The following IL1RAPL2 variants were observed in gnomAD, a reference collection of about 807,000 sequenced individuals.
The protein encoded by IL1RAPL2 is X-linked interleukin-1 receptor accessory protein-like 2.
IL1RAPL2 carries 3 observed loss-of-function variants against 44.1 expected under a neutral mutation model. The ratio of observed to expected loss-of-function variants is 0.07; its 90% confidence interval spans 0.03 to 0.18. The LOEUF is 0.18. IL1RAPL2 is among the 10% of genes least tolerant of loss of function. The pLI is 1.00. For missense variants in IL1RAPL2, 391 were observed against 496.4 expected, an observed-to-expected ratio of 0.79 and a Z score of 2.02; for synonymous variants, 181 against 178.8, an observed-to-expected ratio of 1.01 and a Z score of -0.10.
intron 2 of IL1RAPL2, among the ~76,000 whole-genome samples, chrX:104,703,999 C>T (rs1931322954): frequency 9.4e-6 from 1 of 106,552 alleles, no homozygotes; most frequent in African/African-American, 3.4e-5. Context: ...TCCAAATTAT[C>T]CCAGAAATCT....
intron 7 of IL1RAPL2, among the ~76,000 whole-genome samples, chrX:105,725,174 G>C (rs2038340272): frequency 9.0e-6 from 1 of 111,617 alleles, no homozygotes; most frequent in Non-Finnish European, 1.9e-5. Flanking sequence ...TGTCCCAACA[G>C]AGAGTCATTT....
intron 6 of IL1RAPL2, among the ~76,000 whole-genome samples, chrX:105,662,394 G>T (rs1241468158): frequency 8.9e-6 from 1 of 111,895 alleles, no homozygotes; most frequent in Non-Finnish European, 1.9e-5. Context: ...TATATGGCTT[G>T]TGTTTTGTGT....
intron 2 of IL1RAPL2, among the ~76,000 whole-genome samples, chrX:105,180,768 T>C (rs994918000): frequency 9.0e-5 from 10 of 111,622 alleles, no homozygotes; most frequent in Admixed American, 1.9e-4. Flanking sequence ...TTTTTATGTC[T>C]ATGTTCATCA....
intron 2 of IL1RAPL2, among the ~76,000 whole-genome samples, chrX:104,922,144 G>A (rs1210967524): frequency 3.6e-5 from 4 of 112,089 alleles, no homozygotes; most frequent in Non-Finnish European, 7.5e-5. Flanking sequence ...GTGGTAGAGT[G>A]TGGAGCAGGA....
At position 105,032,937 on chromosome X, in the gene IL1RAPL2, T is replaced by G. The variant is rs186086310; in HGVS notation, c.83-162538T>G. On this transcript the variant is annotated intron_variant, in intron 2 of 10. Transcript: ENST00000372582. ...GTATTGGGTGCATATATATTTAGGA[T>G]AGTTAGTTCTTCTTGTTGAATTGAT... 8.0e-3 allele frequency among the ~76,000 whole-genome samples: 891 copies of G among 111,901 alleles called. 36 individuals carry two copies. Among genetic ancestry groups the G allele is most frequent in the Admixed American group, 0.079 (827 of 10,517 alleles).
intron 1 of IL1RAPL2, among the ~76,000 whole-genome samples, chrX:104,567,388 C>G (rs1258409440): frequency 8.9e-6 from 1 of 112,562 alleles, no homozygotes; most frequent in Non-Finnish European, 1.9e-5. Flanking sequence ...AAGGCAATTT[C>G]CAACTGGGCG....
At chrX:105,432,129 C>CTTTTTTTTTT (rs386417369) in intron 5 of IL1RAPL2, among the ~76,000 whole-genome samples, 205 of 44,698 alleles carry the variant, frequency 4.6e-3, no homozygotes, top group Admixed American at 8.9e-3. Context: ...TTCAATTTGC[C>CTTTTTTTTTT]TTTTTTTTTT....
At chrX:104,585,263 ATAAT>A (rs1928496250) in intron 1 of IL1RAPL2, among the ~76,000 whole-genome samples, 1 of 27,229 alleles carries the variant, frequency 3.7e-5, no homozygotes, top group South Asian at 1.3e-3. Flanking sequence ...TAATATATAT[ATAAT>A]ATATTATATA....
At chrX:104,795,949 C>T (rs902335527) in intron 2 of IL1RAPL2, among the ~76,000 whole-genome samples, 2 of 111,889 alleles carry the variant, frequency 1.8e-5, no homozygotes, top group Admixed American at 1.9e-4. Context: ...AAGTCTACTC[C>T]GTATGAGAAC....
chrX:104,820,867 A>G (rs1330743260), intron 2 of IL1RAPL2, among the ~76,000 whole-genome samples: 1 of 112,478 alleles, frequency 8.9e-6, no homozygotes, highest in South Asian at 3.7e-4. Flanking sequence ...AAAATATTTA[A>G]TCTCAGTTTT....
chrX:105,366,043 G>A (rs1409066320), intron 5 of IL1RAPL2, among the ~76,000 whole-genome samples: 1 of 110,923 alleles, frequency 9.0e-6, no homozygotes, highest in African/African-American at 3.3e-5. Context: ...CACCTCCTGG[G>A]TTCAAGCAAT....
chrX:105,585,200 T>G lies in IL1RAPL2; in HGVS notation c.772+100813T>G, dbSNP rs753548391. ...TTGTGTGTTAATTCTATAATTTGGA[T>G]TTTAATATGTTTCTATTGATTGATT... On this transcript the variant is annotated intron_variant, in intron 6 of 10. Transcript: ENST00000372582. Among the ~76,000 whole-genome samples, 16 of 110,754 alleles carry G rather than the reference T, an allele frequency of 1.4e-4. 1 individual carries two copies. Among genetic ancestry groups the G allele is most frequent in the African/African-American group, 5.2e-4 (16 of 30,534 alleles).
At chrX:105,422,357 A>G (rs1193732830) in intron 5 of IL1RAPL2, among the ~76,000 whole-genome samples, 1 of 111,374 alleles carries the variant, frequency 9.0e-6, no homozygotes, top group Non-Finnish European at 1.9e-5. Flanking sequence ...TGTGTAGACA[A>G]GGTATAAAGT....
At chrX:104,705,429 A>G (rs986527369) in intron 2 of IL1RAPL2, among the ~76,000 whole-genome samples, 3 of 111,474 alleles carry the variant, frequency 2.7e-5, no homozygotes, top group Non-Finnish European at 5.6e-5. Context: ...ATCAGGGCCC[A>G]TGAGGGAGGA....
intron 2 of IL1RAPL2, among the ~76,000 whole-genome samples, chrX:104,767,488 C>G (rs1401834071): frequency 9.0e-6 from 1 of 111,370 alleles, no homozygotes; most frequent in Non-Finnish European, 1.9e-5. Context: ...AACAGTCTGC[C>G]ATTCAGTAAA....
intron 2 of IL1RAPL2, among the ~76,000 whole-genome samples, chrX:104,873,638 G>T (rs931042725): frequency 9.0e-6 from 1 of 110,933 alleles, no homozygotes; most frequent in Non-Finnish European, 1.9e-5. Flanking sequence ...TCACTCGATG[G>T]CTCTTAAAAG....
intron 2 of IL1RAPL2, among the ~76,000 whole-genome samples, chrX:104,885,773 G>T (rs1036220037): frequency 1.8e-5 from 2 of 112,301 alleles, no homozygotes; most frequent in East Asian, 2.8e-4. Context: ...GGTAGGGCTT[G>T]TTATCAATGT....
At chrX:105,757,633 C>T (rs1021233951) in intron 10 of IL1RAPL2, among the ~76,000 whole-genome samples, 4 of 111,288 alleles carry the variant, frequency 3.6e-5, no homozygotes, top group Non-Finnish European at 3.8e-5. Context: ...ATCTTGGGTC[C>T]TCAATGGTGC....
chrX:105,719,616 T>G (rs1359521910), intron 7 of IL1RAPL2, among the ~76,000 whole-genome samples: 1 of 111,215 alleles, frequency 9.0e-6, no homozygotes, highest in East Asian at 2.8e-4. Context: ...TATAAGATAA[T>G]GAAAATATTA....
Sources: gnomAD v4.1 joint callset for allele counts (sites outside exome capture counted in the v4.1 genomes callset) on GRCh38, gnomAD v4.1.1 for gene constraint, MANE v1.5 for transcripts, NCBI Gene and HGNC (gene_info 2026-07-23, HGNC 2026-07-21) for gene names.